The following SEMA6D variants were observed in gnomAD, a reference collection of about 807,000 sequenced individuals.
SEMA6D encodes the protein semaphorin 6D, also known as semaphorin-6D.
Under a neutral mutation model 106.6 loss-of-function variants are expected in SEMA6D, and 35 were observed. The observed-to-expected ratio is 0.33, with a 90% CI of 0.25 to 0.44. The LOEUF (loss-of-function observed/expected upper bound fraction) is 0.44, where lower values mean the gene tolerates loss of function less well. SEMA6D is among the 20% of genes least tolerant of loss of function. The pLI is 1.00. For synonymous variants in SEMA6D, 499 were observed against 487.7 expected (o/e 1.02, Z -0.31); for missense variants, 1,185 against 1,345.9 (o/e 0.88, Z 1.87).
intron 4 of SEMA6D, among the ~76,000 whole-genome samples, chr15:47,611,185 A>G (rs1393026548): frequency 1.3e-5 from 2 of 149,372 alleles, no homozygotes; most frequent in East Asian, 3.9e-4. Flanking sequence ...ACACACACAC[A>G]CGCATGCACA....
Position 47,765,001 on chromosome 15 carries a change from T to C in SEMA6D, c.1372T>C (p.Phe458Leu). ...VLKVLAKTSPFSLNDSVLLEE... is the reference protein window; with the variant it reads ...VLKVLAKTSPLSLNDSVLLEE... Reference sequence around the variant, plus strand: ...TAAAGTTCTGGCAAAGACCAGTCCTTTCTCTTTGAACGACAGCGTATTACT... The same window carrying C: ...TAAAGTTCTGGCAAAGACCAGTCCTCTCTCTTTGAACGACAGCGTATTACT... The change falls in exon 13 of 19, where the codon TTC becomes CTC. Residue 458 changes from phenylalanine (F) to leucine (L), a missense_variant. By Grantham distance (22) the Phe-to-Leu change is conservative (BLOSUM62 0). Coordinates refer to ENST00000536845, the MANE Select transcript of SEMA6D (RefSeq NM_001358351.3). 1 of 1,613,926 alleles carries C rather than the reference T, an allele frequency of 6.2e-7. No homozygotes were observed. Among genetic ancestry groups the C allele is most frequent in the Non-Finnish European group, 8.5e-7 (1 of 1,179,826 alleles).
upstream of SEMA6D, among the ~76,000 whole-genome samples, chr15:47,712,928 G>A (rs2079046792): frequency 6.6e-6 from 1 of 152,024 alleles, no homozygotes; most frequent in African/African-American, 2.4e-5. Context: ...CCAGCTTTTT[G>A]TATGACCCAC....
chr15:47,208,881 T>TA (rs571586345), intron 1 of SEMA6D, among the ~76,000 whole-genome samples: 257 of 152,158 alleles, frequency 1.7e-3, no homozygotes, highest in African/African-American at 6.1e-3. Flanking sequence ...ATAACTAGAG[T>TA]CCCTCATACT....
At chr15:47,662,938 G>A (rs1331858621) in intron 4 of SEMA6D, among the ~76,000 whole-genome samples, 1 of 151,910 alleles carries the variant, frequency 6.6e-6, no homozygotes, top group Admixed American at 6.6e-5. Context: ...AATCAAGGAT[G>A]TGTATTTTGG....
At chr15:47,338,527 A>G (rs773592288) in intron 1 of SEMA6D, among the ~76,000 whole-genome samples, 37 of 152,196 alleles carry the variant, frequency 2.4e-4, no homozygotes, top group Non-Finnish European at 4.9e-4. Flanking sequence ...AATTTTAAAA[A>G]TTAAATTAGA....
chr15:47,732,727 GT>G (rs1203466396), intron 1 of SEMA6D, among the ~76,000 whole-genome samples: 1 of 152,076 alleles, frequency 6.6e-6, no homozygotes, highest in African/African-American at 2.4e-5. Flanking sequence ...GGCCAGCAAT[GT>G]TTTTCTGCAT....
chr15:47,428,666 C>G (rs2041425319), intron 2 of SEMA6D, among the ~76,000 whole-genome samples: 1 of 151,918 alleles, frequency 6.6e-6, no homozygotes. Flanking sequence ...CTCAGCTACT[C>G]AGGTGGCTGA....
At chr15:47,564,400 C>T (rs891085421) in intron 3 of SEMA6D, among the ~76,000 whole-genome samples, 2 of 152,164 alleles carry the variant, frequency 1.3e-5, no homozygotes, top group Non-Finnish European at 1.5e-5. Flanking sequence ...GATAAGAATA[C>T]AGGATATTAA....
intron 4 of SEMA6D, among the ~76,000 whole-genome samples, chr15:47,647,105 G>C (rs2077594828): frequency 6.6e-6 from 1 of 152,100 alleles, no homozygotes; most frequent in South Asian, 2.1e-4. Flanking sequence ...GTTTTCCAAA[G>C]ACAAGACAAA....
chr15:47,310,096 G>A (rs1371207216), intron 1 of SEMA6D, among the ~76,000 whole-genome samples: 1 of 152,224 alleles, frequency 6.6e-6, no homozygotes, highest in Admixed American at 6.5e-5. Context: ...TCTGTGTGGT[G>A]TGAGAAAGAT....
At position 47,483,235 on chromosome 15, in the gene SEMA6D, A is replaced by G. The variant is rs533612353; in HGVS notation, c.-87+12690A>G. Among the ~76,000 whole-genome samples the G allele has an allele frequency of 3.3e-5, 5 of 152,168 alleles. No individual in the cohort carries two copies. The East Asian group carries it at 9.7e-4, about 29-fold the overall frequency. On this transcript the variant is annotated intron_variant, in intron 3 of 19. Transcript: ENST00000558014. The stretch of plus-strand genomic sequence containing the variant: ...TACAACTTGAAAATATTTATAACTA[A>G]TTTTCTCCTCTCTAATCATAAAGAC...
chr15:47,404,211 C>T (rs8032880), intron 1 of SEMA6D, among the ~76,000 whole-genome samples: 57,265 of 151,628 alleles, frequency 0.38, 11,172 homozygotes, highest in Middle Eastern at 0.54. Context: ...GCAAGGAGAA[C>T]CTCTATTCTA....
intron 1 of SEMA6D, among the ~76,000 whole-genome samples, chr15:47,215,457 C>T (rs1042895862): frequency 6.6e-6 from 1 of 152,042 alleles, no homozygotes; most frequent in African/African-American, 2.4e-5. Flanking sequence ...ATGAGTAACA[C>T]AAATATGCTA....
intron 1 of SEMA6D, among the ~76,000 whole-genome samples, chr15:47,192,420 T>G (rs911741346): frequency 1.3e-5 from 2 of 152,196 alleles, no homozygotes; most frequent in Admixed American, 6.5e-5. Context: ...ACTATTCCCT[T>G]AGACCTAGAA....
chr15:47,465,970 T>C (rs914655240), intron 2 of SEMA6D, among the ~76,000 whole-genome samples: 3 of 152,164 alleles, frequency 2.0e-5, no homozygotes, highest in Admixed American at 1.3e-4. Flanking sequence ...TTGTAACTTT[T>C]CATAGAAAAG....
At chr15:47,186,225 C>G (rs1893563478) in intron 1 of SEMA6D, among the ~76,000 whole-genome samples, 1 of 152,074 alleles carries the variant, frequency 6.6e-6, no homozygotes, top group African/African-American at 2.4e-5. Context: ...TCTGATGAAG[C>G]CTGGAGTTCC....
intron 1 of SEMA6D, among the ~76,000 whole-genome samples, chr15:47,225,066 G>C (rs1326650982): frequency 2.6e-5 from 4 of 151,836 alleles, no homozygotes; most frequent in African/African-American, 9.7e-5. Context: ...TCAACCCTTA[G>C]TCTTACAGTC....
chr15:47,476,294 A>ATATCTTGATAT (rs1313834381), intron 3 of SEMA6D, among the ~76,000 whole-genome samples: 1 of 152,202 alleles, frequency 6.6e-6, no homozygotes, highest in African/African-American at 2.4e-5. Flanking sequence ...TTATCTTGCT[A>ATATCTTGATAT]ATTTAAAGAG....
At chr15:47,588,307 G>A (rs996650516) in intron 3 of SEMA6D, among the ~76,000 whole-genome samples, 1 of 152,106 alleles carries the variant, frequency 6.6e-6, no homozygotes, top group Admixed American at 6.6e-5. Context: ...CTCCAGCAAG[G>A]CCATTTGTCT....
Sources: allele counts gnomAD v4.1 joint callset (sites outside exome capture counted in the v4.1 genomes callset), GRCh38; gene constraint gnomAD v4.1.1; transcripts MANE v1.5; gene names NCBI Gene and HGNC (gene_info 2026-07-23, HGNC 2026-07-21).